Variants in ALMS1 observed in about 807,000 individuals in gnomAD.
ALMS1 encodes the protein ALMS1 centrosome and basal body associated protein, also known as centrosome-associated protein ALMS1.
ALMS1 carries 271 observed loss-of-function variants against 352.2 expected under a neutral mutation model. The observed-to-expected ratio is 0.77, with a 90% CI of 0.70 to 0.85. The LOEUF (loss-of-function observed/expected upper bound fraction) is 0.85. Among genes scored for constraint, ALMS1 ranks in the 40% least tolerant of loss-of-function variants. ALMS1 has a pLI of 0.00. For missense variants in ALMS1, 5,445 were observed against 4,870.7 expected, an observed-to-expected ratio of 1.12 and a Z score of -3.51; for synonymous variants, 1,865 against 1,761.2, an observed-to-expected ratio of 1.06 and a Z score of -1.48.
intron 16 of ALMS1, among the ~76,000 whole-genome samples, chr2:73,584,278 T>C (rs1339057781): frequency 6.6e-6 from 1 of 152,234 alleles, no homozygotes; most frequent in Non-Finnish European, 1.5e-5. Flanking sequence ...TATTACTATA[T>C]TGACTAGCTT....
At chr2:73,533,601 C>G (rs1177271083) in intron 11 of ALMS1, among the ~76,000 whole-genome samples, 1 of 151,928 alleles carries the variant, frequency 6.6e-6, no homozygotes, top group Non-Finnish European at 1.5e-5. Context: ...TCACACATGG[C>G]TGTAAGGGAG....
chr2:73,470,934 A>G (rs537577257), intron 9 of ALMS1: 5 of 151,784 alleles, frequency 3.3e-5, no homozygotes, highest in Non-Finnish European at 5.9e-5. Context: ...TTTGGTTGCT[A>G]TCTGCATGGA....
At chr2:73,425,201 G>A (rs1671356291) in intron 5 of ALMS1, among the ~76,000 whole-genome samples, 2 of 152,110 alleles carry the variant, frequency 1.3e-5, no homozygotes, top group Non-Finnish European at 2.9e-5. Flanking sequence ...TTTATTTAAG[G>A]GCTCCAGCTG....
In ALMS1 at chr2:73,601,184, G is replaced by A. The variant is rs571456553; in HGVS notation, c.11873-11G>A. 8.3e-5 allele frequency: 134 copies of A among 1,614,042 alleles called. 2 individuals are homozygous for A. The South Asian group carries it at 8.7e-4, about 10-fold the overall frequency. On this transcript the variant is annotated splice_polypyrimidine_tract_variant and intron_variant, in intron 18 of 22. Coordinates refer to ENST00000613296, the MANE Select transcript of ALMS1 (RefSeq NM_001378454.1). ...AAAATCTGTGTTCCTTCTAAAAACT[G>A]TTTCCTGTAGGAGTTTCCTGGTTTG...
chr2:73,540,392 C>T (rs1229975214), intron 12 of ALMS1, among the ~76,000 whole-genome samples: 2 of 152,208 alleles, frequency 1.3e-5, no homozygotes, highest in African/African-American at 4.8e-5. Context: ...AAAGGAACAA[C>T]TGGTACCAGC....
At chr2:73,555,026 T>C (rs1558692362) in intron 13 of ALMS1, among the ~76,000 whole-genome samples, 1 of 152,200 alleles carries the variant, frequency 6.6e-6, no homozygotes, top group Non-Finnish European at 1.5e-5. Flanking sequence ...AAGACCTAAA[T>C]AGTTGGAAAA....
chr2:73,465,537 A>G (rs1370622907), intron 9 of ALMS1, among the ~76,000 whole-genome samples: 2 of 152,224 alleles, frequency 1.3e-5, no homozygotes, highest in East Asian at 1.9e-4. Context: ...TGAAAACCCT[A>G]GAAGAAAACC....
chr2:73,431,681 C>T (rs1432288328), intron 6 of ALMS1, among the ~76,000 whole-genome samples: 2 of 152,094 alleles, frequency 1.3e-5, no homozygotes, highest in African/African-American at 2.4e-5. Context: ...TGTTGGTAAC[C>T]GATCACAGTT....
At chr2:73,498,065 A>G (rs767954184) in intron 10 of ALMS1, among the ~76,000 whole-genome samples, 11 of 152,144 alleles carry the variant, frequency 7.2e-5, no homozygotes, top group Admixed American at 2.0e-4. Flanking sequence ...ACTGTACTCT[A>G]TTAAGTGTAT....
At chr2:73,469,890 G>C (rs1277364628) in intron 9 of ALMS1, 3 of 151,818 alleles carry the variant, frequency 2.0e-5, no homozygotes, top group Non-Finnish European at 1.5e-5. Context: ...GCCTGACTTA[G>C]ATGTTTATAT....
At chr2:73,463,269 A>G (rs573442091) in intron 9 of ALMS1, among the ~76,000 whole-genome samples, 1 of 152,280 alleles carries the variant, frequency 6.6e-6, no homozygotes, top group African/African-American at 2.4e-5. Flanking sequence ...CCACAGTGCA[A>G]TCAAATTGGA....
At chr2:73,473,826 CGAG>C (rs984171560) in intron 9 of ALMS1, among the ~76,000 whole-genome samples, 1 of 150,804 alleles carries the variant, frequency 6.6e-6, no homozygotes, top group Non-Finnish European at 1.5e-5. Flanking sequence ...TTTATTTATT[CGAG>C]GAGAAGAAAG....
At chr2:73,454,391 C>T in intron 8 of ALMS1, 1 of 983,138 alleles carries the variant, frequency 1.0e-6, no homozygotes, top group Non-Finnish European at 1.2e-6. Context: ...CGCTTGGGCT[C>T]CTGAGCTCCT....
chr2:73,524,885 C>T (rs1190099901), intron 11 of ALMS1, among the ~76,000 whole-genome samples: 3 of 152,190 alleles, frequency 2.0e-5, no homozygotes, highest in African/African-American at 7.2e-5. Flanking sequence ...CCCCACACTG[C>T]TCACTACCCT....
intron 9 of ALMS1, among the ~76,000 whole-genome samples, chr2:73,481,918 C>G (rs1337142961): frequency 6.6e-6 from 1 of 151,812 alleles, no homozygotes; most frequent in East Asian, 1.9e-4. Context: ...GATTTTTGTA[C>G]ATTGATTTTG....
rs1057064646 is a variant in ALMS1 at position 73,573,093 on chromosome 2, C to T, written c.11216C>T (p.Pro3739Leu). The part of the protein sequence containing the change: ...YISNTSSDCR[P>L]SEESELLTDT... ...AGCAACACTTCTTCGGATTGTCGGC[C>T]CTCAGAGGAGAGTGAGCTGCTCACA... Residue 3739 changes from proline (P) to leucine (L), a missense_variant, in exon 16 of 23, where the codon CCC (proline) becomes CTC (leucine). By Grantham distance (98) the Pro-to-Leu change is moderately conservative (BLOSUM62 -3). Transcript: ENST00000613296. The T allele has an allele frequency of 6.2e-7, 1 of 1,614,000 alleles. No individual in the cohort carries two copies.
At chr2:73,502,105 C>T (rs1231424681) in intron 10 of ALMS1, among the ~76,000 whole-genome samples, 3 of 151,988 alleles carry the variant, frequency 2.0e-5, no homozygotes, top group Non-Finnish European at 2.9e-5. Flanking sequence ...TTGTAGGTCC[C>T]AACAAGTTAA....
intron 1 of ALMS1, among the ~76,000 whole-genome samples, chr2:73,397,174 C>T (rs1172612955): frequency 2.6e-5 from 4 of 152,094 alleles, no homozygotes; most frequent in East Asian, 3.9e-4. Flanking sequence ...TCAAAGTTGT[C>T]GCATTGCACC....
chr2:73,445,271 AT>A (rs1671789443), intron 7 of ALMS1, among the ~76,000 whole-genome samples: 1 of 152,108 alleles, frequency 6.6e-6, no homozygotes, highest in Non-Finnish European at 1.5e-5. Context: ...TACTCTTTTA[AT>A]TTAAAATGCG....
Sources: allele counts gnomAD v4.1 joint callset (sites outside exome capture counted in the v4.1 genomes callset), GRCh38; gene constraint gnomAD v4.1.1; transcripts MANE v1.5; gene names NCBI Gene and HGNC (gene_info 2026-07-23, HGNC 2026-07-21).